The following PSMD11 variants were observed in gnomAD, a reference collection of about 807,000 sequenced individuals.
PSMD11 encodes proteasome 26S subunit, non-ATPase 11, also known as 26S proteasome non-ATPase regulatory subunit 11.
Under a neutral mutation model 62.3 loss-of-function variants are expected in PSMD11, and 5 were observed. That is an observed-to-expected ratio of 0.08 (90% CI 0.04 to 0.17). The LOEUF (loss-of-function observed/expected upper bound fraction) is 0.17. PSMD11 is among the 10% of genes least tolerant of loss of function. The pLI is 1.00. For missense variants in PSMD11, 310 were observed against 512.9 expected (o/e 0.60, Z 3.82); for synonymous variants, 191 against 191.8 (o/e 1.00, Z 0.03).
At chr17:32,475,050 A>G (rs976126347) in intron 8 of PSMD11, among the ~76,000 whole-genome samples, 10 of 152,136 alleles carry the variant, frequency 6.6e-5, no homozygotes, top group African/African-American at 2.2e-4. Flanking sequence ...TGTTTGAGGG[A>G]CTTAGGGAAC....
At chr17:32,475,999 C>A (rs1051503828) in intron 8 of PSMD11, among the ~76,000 whole-genome samples, 1 of 152,044 alleles carries the variant, frequency 6.6e-6, no homozygotes, top group African/African-American at 2.4e-5. Context: ...CGTGGTGGCT[C>A]ATGCCTGTAA....
At position 32,461,632 on chromosome 17, in the gene PSMD11, G is replaced by A. The variant is rs117529979; in HGVS notation, c.319-2417G>A. On this transcript the variant is annotated intron_variant, in intron 3 of 13. Coordinates refer to ENST00000261712, the MANE Select transcript of PSMD11 (RefSeq NM_002815.4). ...AAAAAAGAAAAAAGATATCCAGTTC[G>A]TGTAAAAAAAAAAAAATCCTTGCTG... Among the ~76,000 whole-genome samples the A allele has an allele frequency of 2.7e-5, 4 of 150,748 alleles. No individual in the cohort carries two copies. The East Asian group carries it at 5.8e-4, about 22-fold the overall frequency.
chr17:32,460,098 G>A (rs150618074), intron 3 of PSMD11, among the ~76,000 whole-genome samples: 56 of 152,232 alleles, frequency 3.7e-4, no homozygotes, highest in African/African-American at 1.3e-3. Context: ...CTTGGTCTGT[G>A]GCCCACGTTG....
chr17:32,455,723 T>C (rs1297120489), intron 3 of PSMD11, among the ~76,000 whole-genome samples: 1 of 152,206 alleles, frequency 6.6e-6, no homozygotes, highest in African/African-American at 2.4e-5. Flanking sequence ...CTGGCAAAAC[T>C]GTTTGATGAT....
chr17:32,483,276 A>G lies in PSMD11; in HGVS notation c.*2524A>G, dbSNP rs778905039. The G allele has an allele frequency of 7.9e-5, 12 of 152,228 alleles. No individual in the cohort carries two copies. The highest frequency in any genetic ancestry group is 1.6e-4 in the Non-Finnish European group (11 of 68,040). 9.4% of individuals were successfully genotyped at this position (152,228 alleles called of 1,614,324 possible). A position where few individuals can be genotyped will look rare whatever the true frequency, so the allele number is the denominator to read the frequency against. ...ATAACTTTTTTATATATGTGTTGAA[A>G]TATTTTGGGTATTGGGTTAAATAAA... On this transcript the variant is annotated 3_prime_UTR_variant, in exon 14 of 14. Transcript: ENST00000261712.
chr17:32,457,242 T>G (rs1907678898), intron 3 of PSMD11, among the ~76,000 whole-genome samples: 1 of 152,166 alleles, frequency 6.6e-6, no homozygotes, highest in Non-Finnish European at 1.5e-5. Flanking sequence ...AAAGGCTGTT[T>G]TTGTTTTCGT....
At chr17:32,452,337 A>G (rs750859909) in intron 2 of PSMD11, among the ~76,000 whole-genome samples, 2 of 152,238 alleles carry the variant, frequency 1.3e-5, no homozygotes, top group Non-Finnish European at 2.9e-5. Flanking sequence ...GGTACAGGTT[A>G]TGAATTTACA....
chr17:32,472,814 G>T lies in PSMD11; in HGVS notation c.644-987G>T, dbSNP rs185960816. ...TGCCTCCCAAAGTGCTGGGATTACA[G>T]GCATGAGCCACCATGCCCGGCCTTT... On this transcript the variant is annotated intron_variant, in intron 6 of 13. Coordinates refer to ENST00000261712, the MANE Select transcript of PSMD11 (RefSeq NM_002815.4). Among the ~76,000 whole-genome samples the T allele has an allele frequency of 4.8e-3, 721 of 151,502 alleles. 5 individuals carry two copies. The highest frequency in any genetic ancestry group is 0.015 in the African/African-American group (636 of 41,320).
chr17:32,464,555 G>T lies in PSMD11; in HGVS notation c.425G>T (p.Arg142Met), dbSNP rs750341869. 1 of 1,608,416 alleles carries T rather than the reference G, an allele frequency of 6.2e-7. No homozygotes were observed. Among genetic ancestry groups the T allele is most frequent in the Admixed American group, 1.7e-5 (1 of 59,412 alleles). ...RLVSLYFDTK[R>M]YQEALHLGSQ... ...GTGTCTTTGTACTTTGATACCAAGA[G>T]GTACCAGGAAGCATTGCATTTGGGT... Residue 142 changes from arginine (R) to methionine (M), a missense_variant, in exon 5 of 14, where the codon AGG (arginine) becomes ATG (methionine). Transcript: ENST00000261712.
intron 3 of PSMD11, among the ~76,000 whole-genome samples, chr17:32,459,056 C>G (rs1002617807): frequency 1.4e-5 from 2 of 147,660 alleles, no homozygotes; most frequent in Admixed American, 6.8e-5. Context: ...GATCGTGCCA[C>G]TGCACTCCAG....
chr17:32,456,242 T>C (rs1907646899), intron 3 of PSMD11, among the ~76,000 whole-genome samples: 1 of 152,066 alleles, frequency 6.6e-6, no homozygotes, highest in African/African-American at 2.4e-5. Context: ...AATTTGAAAC[T>C]GACTGATAAA....
intron 8 of PSMD11, 45 bp from the exon 9 acceptor site, chr17:32,477,476 G>T: frequency 6.6e-7 from 1 of 1,503,762 alleles, no homozygotes; most frequent in Non-Finnish European, 9.1e-7. Flanking sequence ...GTAAATGTTA[G>T]TGTGCAGAAT....
At chr17:32,451,832 G>A (rs923984998) in intron 2 of PSMD11, among the ~76,000 whole-genome samples, 1 of 152,156 alleles carries the variant, frequency 6.6e-6, no homozygotes, top group Non-Finnish European at 1.5e-5. Flanking sequence ...TCGACCTCCT[G>A]GGCTCAAGCA....
intron 6 of PSMD11, among the ~76,000 whole-genome samples, chr17:32,472,823 C>T (rs1190511098): frequency 6.6e-6 from 1 of 151,264 alleles, no homozygotes; most frequent in African/African-American, 2.4e-5. Context: ...AGGCATGAGC[C>T]ACCATGCCCG....
chr17:32,464,827 A>G (rs1323578307), intron 5 of PSMD11, among the ~76,000 whole-genome samples: 1 of 152,236 alleles, frequency 6.6e-6, no homozygotes, highest in Non-Finnish European at 1.5e-5. Context: ...TTGGAGCAGT[A>G]AAATCAATTC....
intron 2 of PSMD11, among the ~76,000 whole-genome samples, chr17:32,449,786 A>G (rs1449803560): frequency 6.6e-6 from 1 of 152,176 alleles, no homozygotes; most frequent in East Asian, 1.9e-4. Flanking sequence ...ATATGTTTGT[A>G]TTGTTTGCTC....
intron 3 of PSMD11, among the ~76,000 whole-genome samples, chr17:32,457,919 G>A (rs1448489032): frequency 6.6e-6 from 1 of 151,770 alleles, no homozygotes; most frequent in Non-Finnish European, 1.5e-5. Flanking sequence ...TCCTGCCTCA[G>A]CCTCCCAAGT....
At chr17:32,472,605 T>C (rs1908198764) in intron 6 of PSMD11, among the ~76,000 whole-genome samples, 1 of 151,502 alleles carries the variant, frequency 6.6e-6, no homozygotes, top group African/African-American at 2.4e-5. Flanking sequence ...TGGCGTGATC[T>C]CAGCTCACTG....
chr17:32,446,810 T>A (rs1270213302), intron 1 of PSMD11, 135 bp from the exon 2 acceptor site: 1 of 480,906 alleles, frequency 2.1e-6, no homozygotes. Flanking sequence ...TAGAGTTTTT[T>A]TTTTTTTTTT....
Sources: allele counts gnomAD v4.1 joint callset (sites outside exome capture counted in the v4.1 genomes callset), GRCh38; gene constraint gnomAD v4.1.1; transcripts MANE v1.5; gene names NCBI Gene and HGNC (gene_info 2026-07-23, HGNC 2026-07-21).